The following TSHZ2 variants were observed in gnomAD, a reference collection of about 807,000 sequenced individuals.
TSHZ2 encodes teashirt homolog 2.
In TSHZ2, 21 loss-of-function variants were observed where a neutral mutation model predicts 74.4. The ratio of observed to expected loss-of-function variants is 0.28; its 90% CI spans 0.20 to 0.41. The LOEUF (loss-of-function observed/expected upper bound fraction) is 0.41, where lower values mean the gene tolerates loss of function less well. TSHZ2 is among the 10% of genes least tolerant of loss of function. The pLI, the probability that TSHZ2 is intolerant of heterozygous loss-of-function variation, is 1.00. For synonymous variants in TSHZ2, 540 were observed against 515.3 expected, an observed-to-expected ratio of 1.05 and a Z score of -0.65; for missense variants, 1,244 against 1,293.5, an observed-to-expected ratio of 0.96 and a Z score of 0.59.
intron 1 of TSHZ2, among the ~76,000 whole-genome samples, chr20:53,163,451 ATTTT>A (rs1568789857): frequency 2.3e-5 from 2 of 88,676 alleles, no homozygotes; most frequent in Non-Finnish European, 4.4e-5. Context: ...ATTTTATTTT[ATTTT>A]ATTTTTTTTT....
intron 2 of TSHZ2, among the ~76,000 whole-genome samples, chr20:53,417,296 T>A (rs549552779): frequency 2.6e-5 from 4 of 151,518 alleles, no homozygotes; most frequent in Admixed American, 2.0e-4. Context: ...TTTTTTTTTT[T>A]ATTTGTTTGT....
At chr20:53,441,829 G>C (rs1011661012) in intron 2 of TSHZ2, among the ~76,000 whole-genome samples, 1 of 151,194 alleles carries the variant, frequency 6.6e-6, no homozygotes, top group Non-Finnish European at 1.5e-5. Context: ...TGATCCACCC[G>C]CCTCAGCCTC....
rs1234982124 is a variant in TSHZ2 at position 53,265,540 on chromosome 20, C to A, written c.*8+8969C>A. ...ACCTACTCCGTGGGGGCTCAGCCCACCTCTGTGAGCTGGACTTTCTTTTTC... is the reference window on the plus strand; with the variant it reads ...ACCTACTCCGTGGGGGCTCAGCCCAACTCTGTGAGCTGGACTTTCTTTTTC... On this transcript the variant is annotated intron_variant, in intron 2 of 2. Transcript: ENST00000371497. Among the ~76,000 whole-genome samples, 5 of 152,316 alleles carry A rather than the reference C, an allele frequency of 3.3e-5. No homozygotes were observed. The East Asian group carries it at 9.7e-4, about 29-fold the overall frequency.
chr20:53,132,228 C>T (rs182507568), intron 1 of TSHZ2, among the ~76,000 whole-genome samples: 1 of 152,188 alleles, frequency 6.6e-6, no homozygotes, highest in African/African-American at 2.4e-5. Flanking sequence ...CTTAGGATTT[C>T]AGTCAAGGGT....
Position 53,492,104 on chromosome 20 carries a change from C to T in TSHZ2, c.*4969C>T, listed in dbSNP as rs1490178852. ...AAAAAACTAACCACTCCATTCAACT[C>T]TCTCAGAAAATAAATTTCAATGTGT... On this transcript the variant is annotated 3_prime_UTR_variant, in exon 3 of 3. Transcript: ENST00000371497. 1.3e-5 allele frequency: 2 copies of T among 151,058 alleles called. No individual in the cohort carries two copies. Among genetic ancestry groups the T allele is most frequent in the African/African-American group, 4.9e-5 (2 of 41,182 alleles). The allele number at this position is 151,058 out of a possible 1,614,324, so 9.4% of individuals were successfully genotyped here. A position where few individuals can be genotyped will look rare whatever the true frequency, so the allele number is the denominator to read the frequency against.
At chr20:53,072,563 G>A (rs756164385) in intron 1 of TSHZ2, among the ~76,000 whole-genome samples, 12 of 152,082 alleles carry the variant, frequency 7.9e-5, no homozygotes, top group Non-Finnish European at 1.2e-4. Flanking sequence ...TCTAAATAAT[G>A]TCTTGTTTCC....
intron 2 of TSHZ2, among the ~76,000 whole-genome samples, chr20:53,284,536 A>G (rs1429904617): frequency 6.6e-6 from 1 of 152,184 alleles, no homozygotes; most frequent in Non-Finnish European, 1.5e-5. Flanking sequence ...CATTAATGGG[A>G]TAATACGCAT....
Position 53,255,374 on chromosome 20 carries a change from C to T in TSHZ2, c.1916C>T (p.Thr639Ile). ...SEGDSFRKSE[T>I]PPEAKKTELG... ...GGCGATTCTTTCCGCAAAAGTGAAA[C>T]ACCTCCAGAAGCCAAAAAGACCGAG... The change falls in exon 2 of 3, where the codon ACA (threonine) becomes ATA (isoleucine). Residue 639 changes from threonine (T) to isoleucine (I), a missense_variant. Physicochemically the swap from Thr to Ile is moderately conservative, Grantham distance 89. This residue lies in a region of TSHZ2 where 562 missense variants were observed against 544.0 expected (regional missense o/e 1.03). Transcript: ENST00000371497. The surrounding 1 kb of genome is among the most constrained non-coding windows in gnomAD (Gnocchi z 4.1). 6.2e-7 allele frequency: 1 copy of T among 1,614,076 alleles called. No homozygotes were observed. The highest frequency in any genetic ancestry group is 8.5e-7 in the Non-Finnish European group (1 of 1,180,014).
intron 1 of TSHZ2, among the ~76,000 whole-genome samples, chr20:53,184,935 C>T (rs930878460): frequency 1.3e-5 from 2 of 152,174 alleles, no homozygotes; most frequent in African/African-American, 4.8e-5. Context: ...TCTCAAACTC[C>T]TGGCCTCAAG....
chr20:53,077,222 G>A (rs899548487), intron 1 of TSHZ2, among the ~76,000 whole-genome samples: 2 of 150,550 alleles, frequency 1.3e-5, no homozygotes, highest in African/African-American at 2.4e-5. Flanking sequence ...ATACCAGCCT[G>A]GGCAACATGG....
At chr20:53,399,482 C>G (rs1313982201) in intron 2 of TSHZ2, 2 of 152,168 alleles carry the variant, frequency 1.3e-5, no homozygotes, top group Non-Finnish European at 2.9e-5. Flanking sequence ...TCCGAGGTGG[C>G]CTCTGCATCT....
intron 1 of TSHZ2, among the ~76,000 whole-genome samples, chr20:53,067,751 T>A: frequency 6.6e-6 from 1 of 152,260 alleles, no homozygotes; most frequent in East Asian, 1.9e-4. Context: ...CTGCCTTCCC[T>A]GGCAGTTCTG....
At chr20:53,292,484 G>A (rs1364119612) in intron 2 of TSHZ2, among the ~76,000 whole-genome samples, 1 of 143,814 alleles carries the variant, frequency 7.0e-6, no homozygotes, top group East Asian at 2.0e-4. Context: ...GTCTTGCTCT[G>A]CTGCCCAGGC....
At chr20:53,184,835 G>T (rs1415409842) in intron 1 of TSHZ2, among the ~76,000 whole-genome samples, 1 of 152,132 alleles carries the variant, frequency 6.6e-6, no homozygotes, top group Non-Finnish European at 1.5e-5. Context: ...CAGCTCCTGA[G>T]TTGCTGGGAT....
intron 1 of TSHZ2, among the ~76,000 whole-genome samples, chr20:52,982,522 G>A (rs1424964629): frequency 2.0e-5 from 3 of 152,090 alleles, no homozygotes; most frequent in African/African-American, 4.8e-5. Context: ...TCATATGTCC[G>A]TACATGCATT....
At chr20:53,263,991 C>A (rs950872301) in intron 2 of TSHZ2, among the ~76,000 whole-genome samples, 1 of 152,172 alleles carries the variant, frequency 6.6e-6, no homozygotes, top group Non-Finnish European at 1.5e-5. Context: ...AAATTCCAGG[C>A]AAATCAGGTG....
chr20:53,122,306 AAGAAAAC>A (rs1353835990), intron 1 of TSHZ2, among the ~76,000 whole-genome samples: 1 of 151,642 alleles, frequency 6.6e-6, no homozygotes. Context: ...AAAAAAAAGA[AAGAAAAC>A]AACAGCAACA....
chr20:52,989,842 A>G (rs1981912015), intron 1 of TSHZ2, among the ~76,000 whole-genome samples: 1 of 151,940 alleles, frequency 6.6e-6, no homozygotes, highest in Non-Finnish European at 1.5e-5. Flanking sequence ...GTTTCACACT[A>G]TATTTTGTAA....
chr20:52,986,589 C>T (rs1039363813), intron 1 of TSHZ2, among the ~76,000 whole-genome samples: 4 of 150,046 alleles, frequency 2.7e-5, no homozygotes, highest in African/African-American at 7.4e-5. Context: ...ATTAGCCAGG[C>T]GTGATGGGGC....
Sources: gnomAD v4.1 joint callset for allele counts (sites outside exome capture counted in the v4.1 genomes callset) on GRCh38, gnomAD v4.1.1 for gene constraint, gnomAD v4.1.1 regional missense constraint, Gnocchi (gnomAD v3.1) non-coding constraint, MANE v1.5 for transcripts, NCBI Gene and HGNC (gene_info 2026-07-23, HGNC 2026-07-21) for gene names.